The following B3GNT2 variants were observed in gnomAD, a reference collection of about 807,000 sequenced individuals.
The protein encoded by B3GNT2 is UDP-GlcNAc:betaGal beta-1,3-N-acetylglucosaminyltransferase 2, also known as N-acetyllactosaminide beta-1,3-N-acetylglucosaminyltransferase 2.
In B3GNT2, 12 loss-of-function variants were observed where a neutral mutation model predicts 27.6. The observed-to-expected ratio is 0.44, with a 90% CI of 0.28 to 0.71. The LOEUF is 0.71. B3GNT2 is among the 30% of genes least tolerant of loss of function. The pLI, the probability that B3GNT2 is intolerant of heterozygous loss-of-function variation, is 0.17. For missense variants in B3GNT2, 413 were observed against 488.5 expected, an observed-to-expected ratio of 0.85 and a Z score of 1.46; for synonymous variants, 192 against 189.7, an observed-to-expected ratio of 1.01 and a Z score of -0.10.
intron 1 of B3GNT2, among the ~76,000 whole-genome samples, chr2:62,212,390 C>G (rs1042341951): frequency 6.6e-6 from 1 of 152,066 alleles, no homozygotes; most frequent in African/African-American, 2.4e-5. Context: ...TACCCCAAGC[C>G]CCCCTGGTGC....
At position 62,222,406 on chromosome 2, in the gene B3GNT2, G is replaced by A. The variant is rs1380599244; in HGVS notation, c.186G>A (p.Glu62=). 2.5e-6 allele frequency: 4 copies of A among 1,614,116 alleles called. No homozygotes were observed. The highest frequency in any genetic ancestry group is 2.5e-6 in the Non-Finnish European group (3 of 1,180,022). ...CTCCCGAGGCATACTGGAACCGAGA[G>A]CAAGAGAAGCTGAACCGGCAGTACA... ...STPPEAYWNR[E]QEKLNRQYNP... The change falls in exon 2 of 2, where the codon GAG becomes GAA. Residue 62 remains glutamate (E), a synonymous_variant. Transcript: ENST00000301998. This position sits in a 1 kb window ranked among gnomAD's most constrained non-coding sequence, Gnocchi z 4.2.
chr2:62,196,145 G>GCAGCGGCAA lies in B3GNT2; in HGVS notation c.-217_-209dup, dbSNP rs1234317083. Reference sequence around the variant, plus strand: ...GGAGTGAGGCGCAGCGGCAGCGGCAGCAGCGGCAACAAGTGCCGGAGGCTA... The same window carrying GCAGCGGCAA: ...GGAGTGAGGCGCAGCGGCAGCGGCAGCAGCGGCAACAGCGGCAACAAGTGCCGGAGGCTA... On this transcript the variant is annotated 5_prime_UTR_variant, in exon 1 of 2. Coordinates refer to ENST00000301998, the MANE Select transcript of B3GNT2 (RefSeq NM_006577.6). The GCAGCGGCAA allele has an allele frequency of 1.3e-5, 2 of 151,732 alleles. No homozygotes were observed. The highest frequency in any genetic ancestry group is 2.4e-5 in the African/African-American group (1 of 41,362). 9.4% of individuals were successfully genotyped at this position (151,732 alleles called of 1,614,324 possible).
chr2:62,202,938 G>T (rs1285821007), intron 1 of B3GNT2, among the ~76,000 whole-genome samples: 1 of 152,094 alleles, frequency 6.6e-6, no homozygotes, highest in African/African-American at 2.4e-5. Flanking sequence ...TGTGGTGACT[G>T]CTCCCCCTGC....
In B3GNT2 at chr2:62,196,153, A is replaced by G. The variant is rs1307499831; in HGVS notation, c.-212A>G. The G allele has an allele frequency of 6.6e-6, 1 of 151,690 alleles. No individual in the cohort carries two copies. Among genetic ancestry groups the G allele is most frequent in the African/African-American group, 2.4e-5 (1 of 41,330 alleles). 9.4% of individuals were successfully genotyped at this position (151,690 alleles called of 1,614,324 possible). ...GCGCAGCGGCAGCGGCAGCAGCGGC[A>G]ACAAGTGCCGGAGGCTAGCAGAGCC... On this transcript the variant is annotated 5_prime_UTR_variant, in exon 1 of 2. Coordinates refer to ENST00000301998, the MANE Select transcript of B3GNT2 (RefSeq NM_006577.6).
At chr2:62,198,374 T>C (rs1674196589) in intron 1 of B3GNT2, among the ~76,000 whole-genome samples, 1 of 152,226 alleles carries the variant, frequency 6.6e-6, no homozygotes. Context: ...GCCAAACTCC[T>C]AGCACTGCAC....
chr2:62,197,092 G>GGGGGTGGGGTGGGGC (rs914559578), intron 1 of B3GNT2, among the ~76,000 whole-genome samples: 1 of 152,126 alleles, frequency 6.6e-6, no homozygotes, highest in Non-Finnish European at 1.5e-5. Context: ...CCCGAGTCGT[G>GGGGGTGGGGTGGGGC]GGGGTGGGGT....
At chr2:62,208,035 T>C (rs962515505) in intron 1 of B3GNT2, among the ~76,000 whole-genome samples, 16 of 152,190 alleles carry the variant, frequency 1.1e-4, no homozygotes, top group Non-Finnish European at 1.8e-4. Context: ...TCTTATGAGT[T>C]TGAGAGGGGT....
intron 1 of B3GNT2, among the ~76,000 whole-genome samples, chr2:62,199,915 T>C (rs181401690): frequency 5.4e-4 from 82 of 152,332 alleles, no homozygotes; most frequent in Admixed American, 1.6e-3. Context: ...TTTGGGAGAA[T>C]TGATGTAATG....
intron 1 of B3GNT2, among the ~76,000 whole-genome samples, chr2:62,211,084 G>A (rs1429273691): frequency 6.6e-6 from 1 of 152,166 alleles, no homozygotes; most frequent in Non-Finnish European, 1.5e-5. Flanking sequence ...AGTTGGGTGG[G>A]GTGGCTCGTG....
At position 62,222,216 on chromosome 2, in the gene B3GNT2, G is replaced by T; in HGVS notation, c.-5G>T. ...TACTCCACCCCTTTATTCCAGATATGAGAAATGAGTGTTGGACGTCGAAGA... is the reference window on the plus strand; with the variant it reads ...TACTCCACCCCTTTATTCCAGATATTAGAAATGAGTGTTGGACGTCGAAGA... On this transcript the variant is annotated 5_prime_UTR_variant, in exon 2 of 2. An upstream start codon of the reference 5' UTR is lost. Transcript: ENST00000301998. The surrounding 1 kb of genome is among the most constrained non-coding windows in gnomAD (Gnocchi z 4.2). The T allele has an allele frequency of 6.3e-7, 1 of 1,588,162 alleles. No individual in the cohort carries two copies. The highest frequency in any genetic ancestry group is 1.2e-5 in the South Asian group (1 of 86,500).
chr2:62,196,709 C>T (rs1381076090), intron 1 of B3GNT2, among the ~76,000 whole-genome samples: 1 of 152,212 alleles, frequency 6.6e-6, no homozygotes, highest in Non-Finnish European at 1.5e-5. Context: ...TCCCCCTCCT[C>T]GCTGCACCCC....
At chr2:62,212,956 G>C (rs7562460) in intron 1 of B3GNT2, among the ~76,000 whole-genome samples, 149,993 of 152,232 alleles carry the variant, frequency 0.99, 73,903 homozygotes, top group African/African-American at 1. Flanking sequence ...TCACTGAGAG[G>C]CTGCCAGAGT....
Position 62,222,129 on chromosome 2 carries a change from C to T in B3GNT2, c.-9-83C>T, listed in dbSNP as rs976550626. 13 of 1,239,590 alleles carry T rather than the reference C, an allele frequency of 1.0e-5. No individual in the cohort carries two copies. Among genetic ancestry groups the T allele is most frequent in the Admixed American group, 9.7e-5 (4 of 41,450 alleles). 76.8% of individuals were successfully genotyped at this position (1,239,590 alleles called of 1,614,324 possible). The stretch of plus-strand genomic sequence containing the variant: ...AGAGTCTTTGCTGTAAACCACTATT[C>T]CTGGGGAGACAGGTAAAATAAATTG... On this transcript the variant is annotated intron_variant, in intron 1 of 1. Transcript: ENST00000301998. This position sits in a 1 kb window ranked among gnomAD's most constrained non-coding sequence, Gnocchi z 4.2.
Position 62,213,833 on chromosome 2 carries a change from G to GTA in B3GNT2, c.-9-8366_-9-8365dup, listed in dbSNP as rs145388850. On this transcript the variant is annotated intron_variant, in intron 1 of 1. Transcript: ENST00000301998. Reference sequence around the variant, plus strand: ...ATTGTCATCTCTTAGGAGAAAGGGTGTATATATATATATAATCTGGTTTCT... The same window carrying GTA: ...ATTGTCATCTCTTAGGAGAAAGGGTGTATATATATATATATAATCTGGTTTCT... Among the ~76,000 whole-genome samples, 1,500 of 151,814 alleles carry GTA rather than the reference G, an allele frequency of 9.9e-3. 9 individuals carry two copies. Among genetic ancestry groups the GTA allele is most frequent in the Non-Finnish European group, 0.015 (1,001 of 67,894 alleles).
intron 1 of B3GNT2, among the ~76,000 whole-genome samples, chr2:62,218,637 A>T (rs776715615): frequency 6.6e-6 from 1 of 152,220 alleles, no homozygotes. Context: ...AAAGAGATCC[A>T]GAGAGTCCTG....
intron 1 of B3GNT2, among the ~76,000 whole-genome samples, chr2:62,213,172 G>A (rs548386656): frequency 6.6e-6 from 1 of 152,264 alleles, no homozygotes; most frequent in South Asian, 2.1e-4. Flanking sequence ...AATTAGTTGG[G>A]TGTGGTGGCA....
rs531416908 is a variant in B3GNT2 at position 62,201,028 on chromosome 2, T to C, written c.-10+4673T>C. ...GTTAGATTTACTGGGGAAAGTAATATAAAGCTACACCTAGAATACCTAGCA... is the reference window on the plus strand; with the variant it reads ...GTTAGATTTACTGGGGAAAGTAATACAAAGCTACACCTAGAATACCTAGCA... On this transcript the variant is annotated intron_variant, in intron 1 of 1. Transcript: ENST00000301998. Among the ~76,000 whole-genome samples the C allele has an allele frequency of 1.4e-4, 22 of 152,320 alleles. 1 individual carries two copies. The South Asian group carries it at 2.3e-3, about 16-fold the overall frequency.
Position 62,222,471 on chromosome 2 carries a change from CGGGCAG to C in B3GNT2, c.253_258del (p.Gly85_Arg86del). 1 of 1,614,104 alleles carries C rather than the reference CGGGCAG, an allele frequency of 6.2e-7. No homozygotes were observed. The highest frequency in any genetic ancestry group is 2.2e-5 in the East Asian group (1 of 44,880). On this transcript the variant is annotated inframe_deletion, in exon 2 of 2. Transcript: ENST00000301998. This position sits in a 1 kb window ranked among gnomAD's most constrained non-coding sequence, Gnocchi z 4.2. The stretch of plus-strand genomic sequence containing the variant: ...ATGCTGACCAACCAGACGGGGGAGG[CGGGCAG>C]GCTCTCCAATATAAGCCATCTGAAC...
rs200219699 is a variant in B3GNT2 at position 62,222,297 on chromosome 2, A to C, written c.77A>C (p.Glu26Ala). The C allele has an allele frequency of 6.2e-7, 1 of 1,613,968 alleles. No individual in the cohort carries two copies. Among genetic ancestry groups the C allele is most frequent in the Non-Finnish European group, 8.5e-7 (1 of 1,180,004 alleles). Residue 26 changes from glutamate (E) to alanine (A), a missense_variant, in exon 2 of 2, where the codon GAA becomes GCA. By Grantham distance (107) the Glu-to-Ala change is moderately radical. Coordinates refer to ENST00000301998, the MANE Select transcript of B3GNT2 (RefSeq NM_006577.6). This position sits in a 1 kb window ranked among gnomAD's most constrained non-coding sequence, Gnocchi z 4.2. ...MANVFIYFIM[E>A]VSKSSSQEKN... is the part of the protein sequence containing the mutation. ...AATGTCTTCATTTATTTTATTATGG[A>C]AGTCTCCAAAAGCAGTAGCCAAGAA...
Sources: allele counts gnomAD v4.1 joint callset (sites outside exome capture counted in the v4.1 genomes callset), GRCh38; gene constraint gnomAD v4.1.1; non-coding constraint Gnocchi (gnomAD v3.1); transcripts MANE v1.5; gene names NCBI Gene and HGNC (gene_info 2026-07-23, HGNC 2026-07-21).